The following SLC25A13 variants were observed in gnomAD, a reference collection of about 807,000 sequenced individuals.
SLC25A13 encodes the protein solute carrier family 25 member 13.
Under a neutral mutation model 85.5 loss-of-function variants are expected in SLC25A13, and 70 were observed. That is an observed-to-expected ratio of 0.82 (90% CI 0.68 to 1.00). The LOEUF (loss-of-function observed/expected upper bound fraction) is 1.00, where lower values mean the gene tolerates loss of function less well. Ranked by LOEUF, SLC25A13 falls within the 50% of genes least tolerant of loss-of-function variation. SLC25A13 has a pLI of 0.00. For synonymous variants in SLC25A13, 259 were observed against 288.7 expected (o/e 0.90, Z 1.04); for missense variants, 765 against 819.8 (o/e 0.93, Z 0.82).
At chr7:96,305,654 G>T (rs1799717474) in intron 1 of SLC25A13, among the ~76,000 whole-genome samples, 1 of 152,184 alleles carries the variant, frequency 6.6e-6, no homozygotes, top group South Asian at 2.1e-4. Context: ...AAAAGTATAT[G>T]ACGTATTTAT....
intron 13 of SLC25A13, among the ~76,000 whole-genome samples, chr7:96,151,121 A>AG (rs1359507834): frequency 6.6e-6 from 1 of 152,166 alleles, no homozygotes; most frequent in African/African-American, 2.4e-5. Flanking sequence ...CAGGCAGAGA[A>AG]AGGCACAAAG....
chr7:96,211,752 G>A (rs1795706226), intron 4 of SLC25A13, among the ~76,000 whole-genome samples: 1 of 152,126 alleles, frequency 6.6e-6, no homozygotes, highest in African/African-American at 2.4e-5. Context: ...GGGCACTACA[G>A]TTTCCCTTGC....
At chr7:96,275,466 C>T (rs1048180844) in intron 3 of SLC25A13, among the ~76,000 whole-genome samples, 19 of 152,226 alleles carry the variant, frequency 1.2e-4, no homozygotes, top group African/African-American at 4.3e-4. Context: ...TTCACAATAG[C>T]AAAGACTTGG....
intron 3 of SLC25A13, among the ~76,000 whole-genome samples, chr7:96,271,123 G>A (rs1357206016): frequency 1.3e-5 from 2 of 152,186 alleles, no homozygotes; most frequent in African/African-American, 4.8e-5. Context: ...ACAAATTCCA[G>A]GGATTAGGAA....
At chr7:96,126,096 T>C (rs548463196) in intron 15 of SLC25A13, among the ~76,000 whole-genome samples, 99 of 152,292 alleles carry the variant, frequency 6.5e-4, no homozygotes, top group Middle Eastern at 6.8e-3. Context: ...TAGTATTATA[T>C]ACAAATGTTG....
intron 4 of SLC25A13, among the ~76,000 whole-genome samples, chr7:96,224,198 C>T (rs1213037118): frequency 2.0e-5 from 3 of 152,174 alleles, no homozygotes; most frequent in Admixed American, 6.5e-5. Context: ...GCTGGCTTCA[C>T]ATAGATACTG....
At chr7:96,139,773 T>TA (rs972788690) in intron 14 of SLC25A13, among the ~76,000 whole-genome samples, 1 of 152,168 alleles carries the variant, frequency 6.6e-6, no homozygotes, top group African/African-American at 2.4e-5. Context: ...CTTCCAGACT[T>TA]ATCCATCTCA....
chr7:96,260,920 T>G (rs1487640935), intron 3 of SLC25A13, among the ~76,000 whole-genome samples: 4 of 152,152 alleles, frequency 2.6e-5, no homozygotes, highest in Admixed American at 2.6e-4. Flanking sequence ...AACCCTCCAA[T>G]GACTTCTACT....
At chr7:96,300,547 G>A (rs1799513354) in intron 1 of SLC25A13, among the ~76,000 whole-genome samples, 1 of 152,150 alleles carries the variant, frequency 6.6e-6, no homozygotes, top group African/African-American at 2.4e-5. Flanking sequence ...TCTAAATGAT[G>A]GGTAAACTGG....
intron 4 of SLC25A13, among the ~76,000 whole-genome samples, chr7:96,231,507 C>T (rs1427241102): frequency 1.3e-5 from 2 of 152,040 alleles, no homozygotes; most frequent in African/African-American, 2.4e-5. Context: ...GGTGAATCAC[C>T]TGAGGTCAGG....
intron 5 of SLC25A13, among the ~76,000 whole-genome samples, chr7:96,195,572 C>G (rs964452517): frequency 2.6e-5 from 4 of 152,158 alleles, no homozygotes; most frequent in Non-Finnish European, 2.9e-5. Context: ...CTCCCTCCCC[C>G]TCCATGGAAA....
chr7:96,252,046 T>A (rs1208786928), intron 3 of SLC25A13, among the ~76,000 whole-genome samples: 2 of 152,246 alleles, frequency 1.3e-5, no homozygotes, highest in African/African-American at 4.8e-5. Flanking sequence ...TATGACTTTA[T>A]GAAACAAGAC....
intron 15 of SLC25A13, among the ~76,000 whole-genome samples, chr7:96,125,899 T>C (rs924985404): frequency 1.3e-5 from 2 of 152,142 alleles, no homozygotes; most frequent in African/African-American, 4.8e-5. Context: ...ACTGATTATT[T>C]CTTTCAAATC....
chr7:96,292,481 A>G (rs543411570), intron 2 of SLC25A13, among the ~76,000 whole-genome samples: 2 of 152,348 alleles, frequency 1.3e-5, no homozygotes, highest in East Asian at 3.9e-4. Context: ...GAAAAGAGGA[A>G]GTCAAATTGT....
chr7:96,186,525 C>T (rs1172517623), intron 9 of SLC25A13, among the ~76,000 whole-genome samples: 3 of 151,928 alleles, frequency 2.0e-5, no homozygotes, highest in Non-Finnish European at 2.9e-5. Flanking sequence ...TTGGAAATTT[C>T]GATTATTTCC....
At position 96,121,330 on chromosome 7, in the gene SLC25A13, G is replaced by T; in HGVS notation, c.1889C>A (p.Pro630His). The change falls in exon 18 of 18, where the codon CCT becomes CAT. Residue 630 changes from proline (P) to histidine (H), a missense_variant. Physicochemically the swap from Pro to His is moderately conservative, Grantham distance 77. Coordinates refer to ENST00000265631, the MANE Select transcript of SLC25A13 (RefSeq NM_014251.3). The stretch of plus-strand genomic sequence containing the variant: ...CCCAACGTGATCAGGATTCGGGGCA[G>T]GCAGGTTGATCCTGGATTTAGGAAC... ...EPVPKSRINL[P>H]APNPDHVGGY... The T allele has an allele frequency of 6.2e-7, 1 of 1,614,204 alleles. No individual in the cohort carries two copies. Among genetic ancestry groups the T allele is most frequent in the Non-Finnish European group, 8.5e-7 (1 of 1,180,024 alleles).
At chr7:96,164,746 A>ACACACACACAC (rs1554344473) in intron 13 of SLC25A13, among the ~76,000 whole-genome samples, 15 of 151,818 alleles carry the variant, frequency 9.9e-5, no homozygotes, top group South Asian at 4.2e-4. Flanking sequence ...ACACACACAC[A>ACACACACACAC]AAAGAAGCAG....
At chr7:96,236,423 C>T (rs1220902039) in intron 3 of SLC25A13, among the ~76,000 whole-genome samples, 1 of 152,044 alleles carries the variant, frequency 6.6e-6, no homozygotes, top group African/African-American at 2.4e-5. Context: ...CATGAGCACA[C>T]ATAACCACTA....
chr7:96,123,796 G>A (rs531918553), intron 15 of SLC25A13, among the ~76,000 whole-genome samples: 2 of 152,338 alleles, frequency 1.3e-5, no homozygotes, highest in African/African-American at 2.4e-5. Flanking sequence ...GAAAGCAGCA[G>A]ATACTGGCAA....
Sources: gnomAD v4.1 joint callset for allele counts (sites outside exome capture counted in the v4.1 genomes callset) on GRCh38, gnomAD v4.1.1 for gene constraint, MANE v1.5 for transcripts, NCBI Gene and HGNC (gene_info 2026-07-23, HGNC 2026-07-21) for gene names.